LYPD6B: variants seen among roughly 807,000 people sequenced by gnomAD.
LYPD6B encodes LY6/PLAUR domain containing 6B.
LYPD6B carries 17 observed loss-of-function variants against 22.8 expected under a neutral mutation model. That is an observed-to-expected ratio of 0.75 (90% CI 0.51 to 1.12). The LOEUF (loss-of-function observed/expected upper bound fraction) is 1.12. Among genes scored for constraint, LYPD6B ranks in the 50% most tolerant of loss-of-function variants. The probability of loss-of-function intolerance (pLI) is 0.00; values close to 1 mark genes in which losing one functional copy is unlikely to be tolerated. For missense variants in LYPD6B, 221 were observed against 258.3 expected (o/e 0.86, Z 0.99); for synonymous variants, 106 against 91.6 (o/e 1.16, Z -0.90).
At chr2:149,103,033 A>G (rs547737498) in intron 1 of LYPD6B, among the ~76,000 whole-genome samples, 2 of 152,292 alleles carry the variant, frequency 1.3e-5, no homozygotes, top group African/African-American at 2.4e-5. Flanking sequence ...ATATACTTCT[A>G]TGTACACATA....
intron 2 of LYPD6B, among the ~76,000 whole-genome samples, chr2:149,135,719 CAAA>C (rs386391471): frequency 0.015 from 469 of 32,156 alleles, 3 homozygotes; most frequent in African/African-American, 0.045. Context: ...GACCATGTCT[CAAA>C]AAAAAAAAAA....
chr2:149,072,463 G>A (rs1016626524), intron 1 of LYPD6B, among the ~76,000 whole-genome samples: 3 of 146,298 alleles, frequency 2.1e-5, no homozygotes, highest in African/African-American at 7.4e-5. Flanking sequence ...ACAGGAAAGG[G>A]AGAATGCTAG....
intron 1 of LYPD6B, among the ~76,000 whole-genome samples, chr2:149,089,094 G>A (rs544995430): frequency 6.6e-6 from 1 of 152,278 alleles, no homozygotes; most frequent in East Asian, 1.9e-4. Flanking sequence ...GTAGTATAGT[G>A]CCTAGTGTAC....
chr2:149,208,562 A>G (rs994055726), intron 5 of LYPD6B, 150 bp downstream of exon 5: 1 of 609,914 alleles, frequency 1.6e-6, no homozygotes, highest in Non-Finnish European at 2.8e-6. Context: ...CTGGTGTCAA[A>G]GACTCTAACT....
intron 2 of LYPD6B, among the ~76,000 whole-genome samples, chr2:149,156,433 T>C (rs113016327): frequency 0.13 from 20,525 of 152,160 alleles, 1,597 homozygotes; most frequent in Non-Finnish European, 0.16. Flanking sequence ...GTGTCTTAGC[T>C]CAGCCTTCCA....
intron 5 of LYPD6B, among the ~76,000 whole-genome samples, chr2:149,209,657 A>G (rs1693720366): frequency 1.3e-5 from 2 of 152,234 alleles, no homozygotes; most frequent in Admixed American, 1.3e-4. Flanking sequence ...TGTGGAGCCA[A>G]TAAATACTAA....
intron 3 of LYPD6B, among the ~76,000 whole-genome samples, chr2:149,171,761 G>A (rs1282532899): frequency 6.6e-6 from 1 of 152,160 alleles, no homozygotes; most frequent in Non-Finnish European, 1.5e-5. Context: ...TGCTGAAGAT[G>A]TTCTGTTGGT....
At chr2:149,040,518 A>T (rs2105239428) in intron 1 of LYPD6B, among the ~76,000 whole-genome samples, 1 of 152,140 alleles carries the variant, frequency 6.6e-6, no homozygotes, top group Admixed American at 6.5e-5. Context: ...GAGCCACTGC[A>T]CCCGGCCCCT....
intron 1 of LYPD6B, among the ~76,000 whole-genome samples, chr2:149,065,975 G>A (rs907071109): frequency 9.9e-5 from 15 of 152,034 alleles, no homozygotes; most frequent in African/African-American, 3.1e-4. Context: ...GCTTCCCAAA[G>A]TGTCGGGATT....
intron 1 of LYPD6B, among the ~76,000 whole-genome samples, chr2:149,120,784 C>CTTTTTTTTTTTTT (rs567231544): frequency 6.3e-5 from 6 of 95,554 alleles, no homozygotes; most frequent in African/African-American, 2.4e-4. Context: ...GCTACAAAGT[C>CTTTTTTTTTTTTT]TTTTTTTTTT....
At chr2:149,193,336 A>C (rs1692612545) in intron 3 of LYPD6B, among the ~76,000 whole-genome samples, 1 of 152,182 alleles carries the variant, frequency 6.6e-6, no homozygotes, top group Non-Finnish European at 1.5e-5. Context: ...GGTTTTTTCA[A>C]AACACAAGCT....
At chr2:149,205,847 C>G (rs148885574) in intron 4 of LYPD6B, among the ~76,000 whole-genome samples, 4 of 152,072 alleles carry the variant, frequency 2.6e-5, no homozygotes, top group Non-Finnish European at 5.9e-5. Context: ...TCATTACTAC[C>G]GCGCGTAATC....
At chr2:149,209,189 G>C (rs1693687659) in intron 5 of LYPD6B, among the ~76,000 whole-genome samples, 1 of 152,130 alleles carries the variant, frequency 6.6e-6, no homozygotes, top group Non-Finnish European at 1.5e-5. Flanking sequence ...TGAGAAGGCG[G>C]TAGGGAGTTT....
At chr2:149,175,023 ATCTCTC>A (rs142556922) in intron 3 of LYPD6B, among the ~76,000 whole-genome samples, 1,637 of 125,764 alleles carry the variant, frequency 0.013, 17 homozygotes, top group East Asian at 0.022. Context: ...AATCTCTTTA[ATCTCTC>A]TCTCTCTCTC....
chr2:149,112,780 T>A (rs1331274714), intron 1 of LYPD6B, among the ~76,000 whole-genome samples: 1 of 152,174 alleles, frequency 6.6e-6, no homozygotes, highest in Non-Finnish European at 1.5e-5. Flanking sequence ...CTAGTGTAAT[T>A]AATTATTGAA....
chr2:149,124,323 A>G (rs1169772383), intron 1 of LYPD6B, among the ~76,000 whole-genome samples: 3 of 152,158 alleles, frequency 2.0e-5, no homozygotes, highest in East Asian at 3.8e-4. Context: ...GGCAGAGAAC[A>G]TTATCTCCTC....
chr2:149,043,210 G>T (rs1683168240), intron 1 of LYPD6B, among the ~76,000 whole-genome samples: 1 of 152,042 alleles, frequency 6.6e-6, no homozygotes, highest in Non-Finnish European at 1.5e-5. Context: ...CTTTCTTTTG[G>T]TGTTTAAAGA....
intron 1 of LYPD6B, among the ~76,000 whole-genome samples, chr2:149,117,914 T>C (rs1271414710): frequency 2.0e-5 from 3 of 152,158 alleles, no homozygotes; most frequent in East Asian, 3.8e-4. Context: ...TCTCACCAGG[T>C]TGTAGTCACG....
At chr2:149,144,453 G>A (rs188332815) in intron 2 of LYPD6B, among the ~76,000 whole-genome samples, 27 of 152,196 alleles carry the variant, frequency 1.8e-4, no homozygotes, top group East Asian at 7.7e-4. Flanking sequence ...ATGCAGTGGC[G>A]TGATCTTGGC....
Sources: gnomAD v4.1 joint callset for allele counts (sites outside exome capture counted in the v4.1 genomes callset) on GRCh38, gnomAD v4.1.1 for gene constraint, MANE v1.5 for transcripts, NCBI Gene and HGNC (gene_info 2026-07-23, HGNC 2026-07-21) for gene names.